Variants in HIRA observed in about 807,000 individuals in gnomAD.
HIRA encodes the protein histone cell cycle regulator, also known as protein HIRA.
In HIRA, 13 loss-of-function variants were observed where a neutral mutation model predicts 126.6. The observed-to-expected ratio is 0.10, with a 90% CI of 0.07 to 0.16. The LOEUF is 0.16. HIRA is among the 10% of genes least tolerant of loss of function. The pLI is 1.00. For synonymous variants in HIRA, 511 were observed against 520.0 expected, an observed-to-expected ratio of 0.98 and a Z score of 0.24; for missense variants, 834 against 1,314.4, an observed-to-expected ratio of 0.63 and a Z score of 5.65.
chr22:19,342,515 T>G (rs1361985032), intron 24 of HIRA, among the ~76,000 whole-genome samples: 2 of 152,122 alleles, frequency 1.3e-5, no homozygotes, highest in African/African-American at 4.8e-5. Flanking sequence ...GCCTCCTGAG[T>G]AGCTGGGACT....
At chr22:19,399,029 C>T in intron 5 of HIRA, 3 of 660,650 alleles carry the variant, frequency 4.5e-6, no homozygotes, top group Non-Finnish European at 5.6e-6. Context: ...CATAGGGTCA[C>T]TGTAAGGATT....
intron 1 of HIRA, among the ~76,000 whole-genome samples, chr22:19,411,314 T>C (rs4479520): frequency 0.074 from 11,294 of 152,272 alleles, 486 homozygotes; most frequent in Middle Eastern, 0.17. Flanking sequence ...TTGTACTCTA[T>C]GTTAAATTAG....
At position 19,369,915 on chromosome 22, in the gene HIRA, C is replaced by T. The variant is rs569275559; in HGVS notation, c.1775+5716G>A. Among the ~76,000 whole-genome samples the T allele has an allele frequency of 1.9e-4, 29 of 152,276 alleles. 1 individual carries two copies. The highest frequency in any genetic ancestry group is 1.2e-3 in the East Asian group (6 of 5,170). On this transcript the variant is annotated intron_variant, in intron 15 of 24. Transcript: ENST00000263208. ...CTGCACTCCAGCCTGGGCGACACAG[C>T]GAGACTCTGTCTCAAAAAACAAACA...
chr22:19,398,919 T>C (rs1364116876), intron 5 of HIRA, among the ~76,000 whole-genome samples: 1 of 152,078 alleles, frequency 6.6e-6, no homozygotes. Flanking sequence ...GCAGTGACCA[T>C]GATTGCACCA....
intron 24 of HIRA, among the ~76,000 whole-genome samples, chr22:19,332,757 C>A (rs2088505663): frequency 1.4e-5 from 2 of 146,832 alleles, no homozygotes; most frequent in African/African-American, 2.5e-5. Context: ...AGACTCCAAC[C>A]TAAAGCCATC....
rs563244076 is a variant in HIRA, at chr22:19,404,965, G to A, written c.397+821C>T. 2.6e-5 allele frequency among the ~76,000 whole-genome samples: 4 copies of A among 152,240 alleles called. No individual in the cohort carries two copies. In the East Asian group the frequency reaches 7.7e-4, roughly 29 times the overall value. On this transcript the variant is annotated intron_variant, in intron 5 of 24. Coordinates refer to ENST00000263208, the MANE Select transcript of HIRA (RefSeq NM_003325.4). ...ACTGGAAGAACCTCCACTTCACTGA[G>A]CTGTCACAATGACCTCTCTGTTGTG...
chr22:19,400,490 C>G (rs2089259105), intron 5 of HIRA, among the ~76,000 whole-genome samples: 1 of 152,210 alleles, frequency 6.6e-6, no homozygotes, highest in Admixed American at 6.5e-5. Context: ...CATGATGTTT[C>G]TATCACTGGA....
intron 1 of HIRA, among the ~76,000 whole-genome samples, chr22:19,417,722 T>C (rs1601858246): frequency 1.3e-5 from 2 of 152,182 alleles, no homozygotes; most frequent in Admixed American, 1.3e-4. Flanking sequence ...AAAAATATAA[T>C]TACCATATGA....
chr22:19,417,312 T>C (rs1327492026), intron 1 of HIRA, among the ~76,000 whole-genome samples: 2 of 152,002 alleles, frequency 1.3e-5, no homozygotes, highest in Non-Finnish European at 1.5e-5. Flanking sequence ...AATTACGTAT[T>C]ACCTCACATC....
chr22:19,341,031 C>G (rs2088621947), intron 24 of HIRA, among the ~76,000 whole-genome samples: 1 of 152,076 alleles, frequency 6.6e-6, no homozygotes, highest in Non-Finnish European at 1.5e-5. Context: ...CACAAGAAAC[C>G]ACAGCAGGGT....
intron 24 of HIRA, among the ~76,000 whole-genome samples, chr22:19,343,885 AAAGAG>A: frequency 1.4e-5 from 1 of 73,764 alleles, no homozygotes; most frequent in African/African-American, 3.6e-5. Context: ...GAAAAAAAAA[AAAGAG>A]AGAGAGAGAG....
intron 1 of HIRA, among the ~76,000 whole-genome samples, chr22:19,419,032 G>A (rs2089422715): frequency 6.6e-6 from 1 of 152,070 alleles, no homozygotes; most frequent in East Asian, 1.9e-4. Flanking sequence ...AACACCAGAG[G>A]TTAGGTCATA....
Position 19,375,655 on chromosome 22 carries a change from C to T in HIRA, c.1751G>A (p.Ser584Asn), listed in dbSNP as rs2089011001. ...KATPGAPALT[S>N]MTPTAVERLK... ...CCTTTCCACAGCTGTCGGAGTCATGCTGGTCAGGGCAGGAGCACCTGGTGT... is the reference window on the plus strand; with the variant it reads ...CCTTTCCACAGCTGTCGGAGTCATGTTGGTCAGGGCAGGAGCACCTGGTGT... The change falls in exon 15 of 25, where the codon AGC becomes AAC. Residue 584 changes from serine to asparagine, a missense_variant. Ser to Asn is a conservative substitution (Grantham distance 46). Around this residue, in one of 5 missense-constraint regions of HIRA, gnomAD observed 468 missense variants for 574.2 expected, o/e 0.82. Coordinates refer to ENST00000263208, the MANE Select transcript of HIRA (RefSeq NM_003325.4). The T allele has an allele frequency of 6.2e-7, 1 of 1,614,074 alleles. No individual in the cohort carries two copies. The highest frequency in any genetic ancestry group is 8.5e-7 in the Non-Finnish European group (1 of 1,180,020).
chr22:19,356,973 G>A lies in HIRA; in HGVS notation c.2313C>T (p.Ile771=), dbSNP rs374953578. 97 of 1,613,912 alleles carry A rather than the reference G, an allele frequency of 6.0e-5. No individual in the cohort carries two copies. The highest frequency in any genetic ancestry group is 2.8e-4 in the Admixed American group (17 of 60,018). The change falls in exon 19 of 25, where the codon ATC becomes ATT. Residue 771 remains isoleucine (I), a synonymous_variant. Transcript: ENST00000263208. ...STCGRRLLSP[I]LLPSPISTLH... is the part of the protein sequence containing the mutation. ...AAGTAGAGATCGGGGATGGCAGGAG[G>A]ATGGGAGAGAGGAGACGGCGACCAC...
intron 7 of HIRA, among the ~76,000 whole-genome samples, chr22:19,395,809 T>A (rs1424818690): frequency 6.6e-6 from 1 of 152,186 alleles, no homozygotes; most frequent in Non-Finnish European, 1.5e-5. Flanking sequence ...TCCATCTCAA[T>A]CCACTTTTAT....
intron 15 of HIRA, among the ~76,000 whole-genome samples, chr22:19,363,270 T>C (rs1601819090): frequency 6.7e-6 from 1 of 149,724 alleles, no homozygotes; most frequent in Admixed American, 6.7e-5. Flanking sequence ...AAGAAATGGG[T>C]TTATGTTTTT....
intron 21 of HIRA, 142 bp downstream of exon 21, chr22:19,355,618 T>G (rs782107606): frequency 5.2e-5 from 33 of 629,800 alleles, no homozygotes; most frequent in Non-Finnish European, 9.5e-5. Flanking sequence ...CATGCACAGA[T>G]AGTCAATGCA....
chr22:19,398,221 C>A, intron 5 of HIRA, 134 bp from the exon 6 acceptor site: 1 of 646,010 alleles, frequency 1.5e-6, no homozygotes, highest in Non-Finnish European at 2.7e-6. Flanking sequence ...AAAAAACTCC[C>A]CCCAGAATTT....
At chr22:19,373,931 C>CTTTTTTTTTTTTTTTTTTT (rs1254884863) in intron 15 of HIRA, among the ~76,000 whole-genome samples, 3 of 149,790 alleles carry the variant, frequency 2.0e-5, no homozygotes, top group Admixed American at 6.7e-5. Context: ...ACTGCTCTGG[C>CTTTTTTTTTTTTTTTTTTT]TTTTTTGTTC....
Sources: allele counts gnomAD v4.1 joint callset (sites outside exome capture counted in the v4.1 genomes callset), GRCh38; gene constraint gnomAD v4.1.1; regional missense constraint gnomAD v4.1.1; transcripts MANE v1.5; gene names NCBI Gene and HGNC (gene_info 2026-07-23, HGNC 2026-07-21).